Variants in HMCN1 observed in about 807,000 individuals in gnomAD.
HMCN1 encodes the protein hemicentin 1.
In HMCN1, 321 loss-of-function variants were observed where a neutral mutation model predicts 625.9. The observed-to-expected ratio is 0.51, with a 90% confidence interval of 0.47 to 0.56. The LOEUF (loss-of-function observed/expected upper bound fraction) is 0.56. Among genes scored for constraint, HMCN1 ranks in the 20% least tolerant of loss-of-function variants. The probability of loss-of-function intolerance (pLI) is 0.00; values close to 1 mark genes in which losing one functional copy is unlikely to be tolerated. For missense variants in HMCN1, 6,588 were observed against 6,887.3 expected (o/e 0.96, Z 1.54); for synonymous variants, 2,425 against 2,417.6 (o/e 1.00, Z -0.09).
rs573839591 is a variant in HMCN1, at chr1:186,164,884, G to A, written c.15257-227G>A. ...TTATTGATGTAAATAACTTACACAC[G>A]AAACCTGTTTCCAGTGGCAGCTTGT... is the stretch of plus-strand genomic sequence containing the variant. On this transcript the variant is annotated intron_variant, in intron 97 of 106. Transcript: ENST00000271588. Among the ~76,000 whole-genome samples, 32 of 152,306 alleles carry A rather than the reference G, an allele frequency of 2.1e-4. 1 individual carries two copies. The South Asian group carries it at 5.6e-3, about 27-fold the overall frequency.
At chr1:186,079,473 C>G (rs551522593) in intron 55 of HMCN1, among the ~76,000 whole-genome samples, 7 of 152,262 alleles carry the variant, frequency 4.6e-5, no homozygotes, top group Admixed American at 2.6e-4. Context: ...CTTCTACAGA[C>G]AATAGTGGCT....
At chr1:185,765,261 G>T (rs1251088855) in intron 1 of HMCN1, among the ~76,000 whole-genome samples, 8 of 152,074 alleles carry the variant, frequency 5.3e-5, no homozygotes, top group Non-Finnish European at 4.4e-5. Flanking sequence ...TAGTGTTATG[G>T]TAAACTAAAG....
At chr1:186,141,122 C>A (rs184223528) in intron 89 of HMCN1, among the ~76,000 whole-genome samples, 95 of 152,204 alleles carry the variant, frequency 6.2e-4, no homozygotes, top group African/African-American at 2.2e-3. Context: ...ATAGATCCCT[C>A]GCATGCACAG....
In HMCN1 at chr1:186,081,310, A is replaced by G. The variant is rs752511428; in HGVS notation, c.8703A>G (p.Ala2901=). 19 of 1,613,832 alleles carry G rather than the reference A, an allele frequency of 1.2e-5. No homozygotes were observed. In the East Asian group the frequency reaches 4.0e-4, roughly 34 times the overall value. ...LIECLSSGSP[A]PRNSWQKDGQ... ...AGTGTTTATCCAGTGGCAGCCCAGC[A>G]CCAAGGAATTCCTGGCAGAAAGATG... The change falls in exon 56 of 107, where the codon GCA becomes GCG. Residue 2901 remains alanine (A), a synonymous_variant. Transcript: ENST00000271588.
intron 72 of HMCN1, among the ~76,000 whole-genome samples, chr1:186,113,694 A>G (rs184226501): frequency 6.6e-6 from 1 of 152,214 alleles, no homozygotes; most frequent in Non-Finnish European, 1.5e-5. Context: ...TTTGCATCAG[A>G]CTAGAGCTGA....
intron 9 of HMCN1, among the ~76,000 whole-genome samples, chr1:185,927,912 A>G (rs1049934390): frequency 2.0e-4 from 31 of 152,162 alleles, no homozygotes; most frequent in African/African-American, 7.5e-4. Context: ...TAATTTGAAC[A>G]GTGTTAGAGG....
intron 2 of HMCN1, among the ~76,000 whole-genome samples, chr1:185,851,250 C>T (rs1443331979): frequency 6.6e-6 from 1 of 152,056 alleles, no homozygotes; most frequent in African/African-American, 2.4e-5. Flanking sequence ...TCCTATTAAA[C>T]TAACTTGAAC....
At chr1:186,038,147 C>T in intron 37 of HMCN1, 112 bp downstream of exon 37, 2 of 731,138 alleles carry the variant, frequency 2.7e-6, no homozygotes. Context: ...TTATAGAATA[C>T]ATTTCATGGG....
At position 186,035,465 on chromosome 1, in the gene HMCN1, G is replaced by T. The variant is rs188726099; in HGVS notation, c.5750-2469G>T. Among the ~76,000 whole-genome samples the T allele has an allele frequency of 7.8e-4, 118 of 151,972 alleles. 2 individuals are homozygous for T. The highest frequency in any genetic ancestry group is 2.7e-3 in the African/African-American group (112 of 41,494). On this transcript the variant is annotated intron_variant, in intron 36 of 106. Transcript: ENST00000271588. ...TTATTATTTATTTCTAGCCTGTTTT[G>T]GTTTATTGTGTTGGTCTTCTTCTAA...
At chr1:186,109,939 G>A (rs1272362362) in intron 71 of HMCN1, among the ~76,000 whole-genome samples, 1 of 152,198 alleles carries the variant, frequency 6.6e-6, no homozygotes, top group Non-Finnish European at 1.5e-5. Context: ...ACCATTAGGT[G>A]TAAAGGTAAA....
chr1:185,833,656 C>T (rs1043265050), intron 1 of HMCN1, among the ~76,000 whole-genome samples: 2 of 152,060 alleles, frequency 1.3e-5, no homozygotes, highest in Non-Finnish European at 2.9e-5. Flanking sequence ...TCATAGGCAG[C>T]ATTAGAGACA....
Position 186,136,731 on chromosome 1 carries a change from T to G in HMCN1, c.13376T>G (p.Leu4459Trp), listed in dbSNP as rs1418531555. 1.2e-6 allele frequency: 2 copies of G among 1,613,878 alleles called. No individual in the cohort carries two copies. Among genetic ancestry groups the G allele is most frequent in the Non-Finnish European group, 1.7e-6 (2 of 1,179,916 alleles). Residue 4459 changes from leucine (L) to tryptophan (W), a missense_variant, in exon 87 of 107, where the codon TTG becomes TGG. Leu to Trp is a moderately conservative substitution (Grantham distance 61). Around this residue, in one of 3 missense-constraint regions of HMCN1, gnomAD observed 1,954 missense variants for 2,013.1 expected, o/e 0.97. Coordinates refer to ENST00000271588, the MANE Select transcript of HMCN1 (RefSeq NM_031935.3). ...ATTAATGCTGGTGGCAAAATCATATTGAATTGTCAGGCAACTGGAGAGCCT... is the reference window on the plus strand; with the variant it reads ...ATTAATGCTGGTGGCAAAATCATATGGAATTGTCAGGCAACTGGAGAGCCT... ...TVINAGGKII[L>W]NCQATGEPQP...
chr1:186,024,414 TC>T (rs780246218), intron 36 of HMCN1, among the ~76,000 whole-genome samples: 16 of 152,228 alleles, frequency 1.1e-4, no homozygotes, highest in East Asian at 7.7e-4. Flanking sequence ...CTTTCTTATT[TC>T]CCTATCCTGA....
Position 185,981,073 on chromosome 1 carries a change from G to A in HMCN1, c.2662G>A (p.Val888Ile). The A allele has an allele frequency of 4.4e-6, 7 of 1,573,832 alleles. No individual in the cohort carries two copies. Among genetic ancestry groups the A allele is most frequent in the Non-Finnish European group, 6.1e-6 (7 of 1,143,646 alleles). The change falls in exon 17 of 107, where the codon GTT (valine) becomes ATT (isoleucine). Residue 888 changes from valine to isoleucine, a missense_variant and splice_region_variant. Physicochemically the swap from Val to Ile is conservative, Grantham distance 29. Around this residue, in one of 3 missense-constraint regions of HMCN1, gnomAD observed 4,628 missense variants for 4,853.1 expected, o/e 0.95. Transcript: ENST00000271588. The part of the protein sequence containing the change: ...SETTVTVTGL[V>I]APLIGISPSV... ...GACAACAGTAACAGTGACCGGACTTGGTAAGATCAATTGAATGTCTACATA... is the reference window on the plus strand; with the variant it reads ...GACAACAGTAACAGTGACCGGACTTAGTAAGATCAATTGAATGTCTACATA...
rs373377439 is a variant in HMCN1, at chr1:186,125,763, C to T, written c.12659C>T (p.Pro4220Leu). 6.2e-7 allele frequency: 1 copy of T among 1,613,116 alleles called. No individual in the cohort carries two copies. Among genetic ancestry groups the T allele is most frequent in the Non-Finnish European group, 8.5e-7 (1 of 1,179,340 alleles). ...TTGTTAGGAAAATACACTGCTGAACCATATGGAGAACTCATTTTAGAAAAT... is the reference window on the plus strand; with the variant it reads ...TTGTTAGGAAAATACACTGCTGAACTATATGGAGAACTCATTTTAGAAAAT... ...ANLLGKYTAEPYGELILENVV... is the reference protein window; with the variant it reads ...ANLLGKYTAELYGELILENVV... The change falls in exon 82 of 107, where the codon CCA (proline) becomes CTA (leucine). Residue 4220 changes from proline to leucine, a missense_variant. By Grantham distance (98) the Pro-to-Leu change is moderately conservative. Transcript: ENST00000271588.
At chr1:185,981,900 C>T (rs988815437) in intron 17 of HMCN1, among the ~76,000 whole-genome samples, 1 of 152,066 alleles carries the variant, frequency 6.6e-6, no homozygotes, top group East Asian at 1.9e-4. Context: ...TAATATTTCC[C>T]CAGAAAATGA....
chr1:185,883,049 T>C (rs925903693), intron 4 of HMCN1, among the ~76,000 whole-genome samples: 5 of 152,242 alleles, frequency 3.3e-5, no homozygotes, highest in Admixed American at 2.6e-4. Flanking sequence ...ATGCTTGTAG[T>C]AATTTACCCT....
At chr1:186,169,066 C>T (rs1203925502) in intron 100 of HMCN1, among the ~76,000 whole-genome samples, 1 of 152,096 alleles carries the variant, frequency 6.6e-6, no homozygotes, top group Non-Finnish European at 1.5e-5. Context: ...TGGTTTCCAG[C>T]TTCATCCATG....
intron 41 of HMCN1, among the ~76,000 whole-genome samples, chr1:186,048,528 G>T (rs533511933): frequency 6.6e-6 from 1 of 152,128 alleles, no homozygotes; most frequent in African/African-American, 2.4e-5. Flanking sequence ...ATATAAACCA[G>T]ATTAAAATAA....
Sources: allele counts gnomAD v4.1 joint callset (sites outside exome capture counted in the v4.1 genomes callset), GRCh38; gene constraint gnomAD v4.1.1; regional missense constraint gnomAD v4.1.1; transcripts MANE v1.5; gene names NCBI Gene and HGNC (gene_info 2026-07-23, HGNC 2026-07-21).